SGCD: variants seen among roughly 807,000 people sequenced by gnomAD.
SGCD encodes sarcoglycan delta.
Under a neutral mutation model 36.6 loss-of-function variants are expected in SGCD, and 18 were observed. The observed-to-expected ratio is 0.49, with a 90% CI of 0.34 to 0.73. The LOEUF is 0.73. SGCD is among the 30% of genes least tolerant of loss of function. SGCD has a pLI of 0.01. For synonymous variants in SGCD, 133 were observed against 130.6 expected, an observed-to-expected ratio of 1.02 and a Z score of -0.12; for missense variants, 387 against 346.7, an observed-to-expected ratio of 1.12 and a Z score of -0.92.
chr5:155,927,022 C>A (rs933909990), intron 1 of SGCD, among the ~76,000 whole-genome samples: 2 of 152,140 alleles, frequency 1.3e-5, no homozygotes, highest in African/African-American at 4.8e-5. Context: ...CCTACAATCA[C>A]AGGGCAGCTC....
At chr5:156,089,219 G>A (rs32385) in intron 1 of SGCD, among the ~76,000 whole-genome samples, 24,833 of 152,080 alleles carry the variant, frequency 0.16, 2,222 homozygotes, top group South Asian at 0.22. Context: ...TTTTAAAGAG[G>A]CTCAATACAA....
chr5:155,969,273 A>G (rs575664414), intron 1 of SGCD, among the ~76,000 whole-genome samples: 140 of 152,260 alleles, frequency 9.2e-4, no homozygotes, highest in Non-Finnish European at 1.6e-3. Context: ...ACTGATACAA[A>G]TATGCAAAAG....
At chr5:155,987,979 A>T (rs1007570694) in intron 1 of SGCD, among the ~76,000 whole-genome samples, 1 of 152,164 alleles carries the variant, frequency 6.6e-6, no homozygotes, top group Non-Finnish European at 1.5e-5. Context: ...ACTCTCACTT[A>T]ATCTTCTGTC....
At chr5:155,876,868 A>T (rs1254440413) in intron 1 of SGCD, among the ~76,000 whole-genome samples, 1 of 152,174 alleles carries the variant, frequency 6.6e-6, no homozygotes, top group African/African-American at 2.4e-5. Flanking sequence ...TTTCTACATG[A>T]CAATCATGTG....
At chr5:155,853,874 A>T in the SGCD span, among the ~76,000 whole-genome samples, 1 of 152,176 alleles carries the variant, frequency 6.6e-6, no homozygotes, top group African/African-American at 2.4e-5. Flanking sequence ...GGTTATGACT[A>T]CACCAACATT....
intron 4 of SGCD, among the ~76,000 whole-genome samples, chr5:156,564,100 G>T (rs566310995): frequency 3.1e-4 from 47 of 152,166 alleles, no homozygotes; most frequent in Non-Finnish European, 5.7e-4. Context: ...ATAAACAATT[G>T]TATCAAAACA....
chr5:155,833,471 G>A, the SGCD span, among the ~76,000 whole-genome samples: 2 of 152,156 alleles, frequency 1.3e-5, no homozygotes, highest in African/African-American at 4.8e-5. Context: ...CTTTCCAATA[G>A]AGGGTGCTGC....
chr5:156,680,473 T>C (rs577216112), intron 7 of SGCD, among the ~76,000 whole-genome samples: 22 of 152,272 alleles, frequency 1.4e-4, no homozygotes, highest in African/African-American at 4.6e-4. Flanking sequence ...AAAATGGGGA[T>C]GCTAATATCA....
chr5:156,010,375 AGTT>A (rs1758834862), intron 1 of SGCD, among the ~76,000 whole-genome samples: 1 of 152,216 alleles, frequency 6.6e-6, no homozygotes, highest in Non-Finnish European at 1.5e-5. Context: ...TATGTCCGAT[AGTT>A]GTTAACATGT....
intron 3 of SGCD, among the ~76,000 whole-genome samples, chr5:156,489,229 A>G (rs1755834135): frequency 1.3e-5 from 2 of 152,146 alleles, no homozygotes; most frequent in South Asian, 2.1e-4. Flanking sequence ...TAATATATAT[A>G]TAAAGCAAAT....
rs573326846 is a variant in SGCD at position 156,016,701 on chromosome 5, C to T, written c.-281-101177C>T. ...GTTTACTTAAATGTAACTTGGAACTCACTCTCCATGCACTTCATGGAGATC... is the reference window on the plus strand; with the variant it reads ...GTTTACTTAAATGTAACTTGGAACTTACTCTCCATGCACTTCATGGAGATC... On this transcript the variant is annotated intron_variant, in intron 1 of 9. Transcript: ENST00000517913. 3.7e-4 allele frequency among the ~76,000 whole-genome samples: 56 copies of T among 152,264 alleles called. No homozygotes were observed. The South Asian group carries it at 0.011, about 30-fold the overall frequency.
intron 1 of SGCD, among the ~76,000 whole-genome samples, chr5:156,004,647 A>G (rs1758723522): frequency 6.6e-6 from 1 of 152,232 alleles, no homozygotes; most frequent in Admixed American, 6.5e-5. Context: ...AAAGAAAAAT[A>G]ACAACACTTA....
chr5:156,033,968 C>T (rs1030238195), intron 1 of SGCD, among the ~76,000 whole-genome samples: 2 of 152,124 alleles, frequency 1.3e-5, no homozygotes, highest in Non-Finnish European at 2.9e-5. Context: ...CAACTTTCTA[C>T]CAAGGGAAAA....
intron 2 of SGCD, among the ~76,000 whole-genome samples, chr5:156,342,161 T>C (rs936559089): frequency 6.6e-6 from 1 of 152,226 alleles, no homozygotes; most frequent in African/African-American, 2.4e-5. Context: ...TATACCTCCA[T>C]CCTCTTATAA....
At chr5:156,617,863 C>T (rs1762078765) in intron 6 of SGCD, among the ~76,000 whole-genome samples, 1 of 152,110 alleles carries the variant, frequency 6.6e-6, no homozygotes, top group African/African-American at 2.4e-5. Flanking sequence ...CTTTTCCTCA[C>T]CCACTCTGCC....
chr5:156,646,097 G>A (rs1184929050), intron 6 of SGCD, among the ~76,000 whole-genome samples: 3 of 152,110 alleles, frequency 2.0e-5, no homozygotes, highest in Non-Finnish European at 4.4e-5. Context: ...TCTTATCAAT[G>A]AGTTTGTCCT....
intron 3 of SGCD, among the ~76,000 whole-genome samples, chr5:156,135,078 T>G (rs1398709681): frequency 1.3e-5 from 2 of 152,196 alleles, no homozygotes; most frequent in Admixed American, 1.3e-4. Flanking sequence ...AGTTCCCAAC[T>G]CTGCATAGCG....
At position 156,696,451 on chromosome 5, in the gene SGCD, C is replaced by G. The variant is rs1327772073; in HGVS notation, c.575+48915C>G. Among the ~76,000 whole-genome samples the G allele has an allele frequency of 5.9e-5, 9 of 152,302 alleles. No individual in the cohort carries two copies. In the East Asian group the frequency reaches 1.7e-3, roughly 29 times the overall value. On this transcript the variant is annotated intron_variant, in intron 7 of 8. Transcript: ENST00000337851. ...GAGTTTCAAAACTCTTTTGCTCTGA[C>G]TATACCATGTTTGAGGGCTTAACAG...
At chr5:156,544,900 T>C (rs1045388643) in intron 4 of SGCD, among the ~76,000 whole-genome samples, 1 of 152,234 alleles carries the variant, frequency 6.6e-6, no homozygotes, top group Non-Finnish European at 1.5e-5. Context: ...CTTAGCAAGA[T>C]GAATTGACTT....
Sources: gnomAD v4.1 joint callset for allele counts (sites outside exome capture counted in the v4.1 genomes callset) on GRCh38, gnomAD v4.1.1 for gene constraint, MANE v1.5 for transcripts, NCBI Gene and HGNC (gene_info 2026-07-23, HGNC 2026-07-21) for gene names.